SORCS3: variants seen among roughly 807,000 people sequenced by gnomAD.
SORCS3 encodes VPS10 domain-containing receptor SorCS3.
Under a neutral mutation model 146.3 loss-of-function variants are expected in SORCS3, and 57 were observed. The ratio of observed to expected loss-of-function variants is 0.39; its 90% CI spans 0.31 to 0.49. The LOEUF (loss-of-function observed/expected upper bound fraction) is 0.49. Ranked by LOEUF, SORCS3 falls within the 20% of genes least tolerant of loss-of-function variation. The pLI is 0.92. For synonymous variants in SORCS3, 653 were observed against 618.5 expected (o/e 1.06, Z -0.83); for missense variants, 1,341 against 1,575.5 (o/e 0.85, Z 2.52).
At chr10:104,816,326 A>T (rs2017797569) in intron 1 of SORCS3, among the ~76,000 whole-genome samples, 3 of 152,328 alleles carry the variant, frequency 2.0e-5, no homozygotes, top group African/African-American at 7.2e-5. Flanking sequence ...TAATCTGCTG[A>T]AAGCAAGATG....
At chr10:104,773,569 G>A (rs973323169) in intron 1 of SORCS3, among the ~76,000 whole-genome samples, 2 of 152,216 alleles carry the variant, frequency 1.3e-5, no homozygotes, top group African/African-American at 4.8e-5. Context: ...AGCTGACGCA[G>A]GGCTAAGCAT....
At chr10:105,204,200 A>G (rs1051824914) in intron 16 of SORCS3, among the ~76,000 whole-genome samples, 1 of 152,212 alleles carries the variant, frequency 6.6e-6, no homozygotes, top group East Asian at 1.9e-4. Flanking sequence ...ATGAGAAGAA[A>G]CATCTTGGAT....
rs925870615 is a variant in SORCS3 at position 104,668,171 on chromosome 10, ATG to A, written c.627+26224_627+26225del. 5.9e-5 allele frequency among the ~76,000 whole-genome samples: 9 copies of A among 152,188 alleles called. No homozygotes were observed. The East Asian group carries it at 1.7e-3, about 29-fold the overall frequency. On this transcript the variant is annotated intron_variant, in intron 1 of 26. Transcript: ENST00000369701. ...CAGCTGTGTGTGTGTGTGTGCGCGC[ATG>A]TGTGTGCACGCGCAATAGTAAACCA...
intron 14 of SORCS3, among the ~76,000 whole-genome samples, chr10:105,184,364 T>TC (rs374456102): frequency 7.2e-5 from 11 of 152,188 alleles, no homozygotes; most frequent in African/African-American, 1.4e-4. Flanking sequence ...CACTTGCTTT[T>TC]CCCCCCCAAC....
chr10:104,959,577 A>G (rs1224420660), intron 3 of SORCS3, among the ~76,000 whole-genome samples: 1 of 152,156 alleles, frequency 6.6e-6, no homozygotes, highest in African/African-American at 2.4e-5. Context: ...AGGGTATGAT[A>G]TTCTTTTATA....
intron 1 of SORCS3, among the ~76,000 whole-genome samples, chr10:104,695,954 ATT>A (rs1261859849): frequency 7.6e-5 from 11 of 144,666 alleles, no homozygotes; most frequent in African/African-American, 2.8e-4. Context: ...TAATATATAT[ATT>A]ATATACACAT....
intron 14 of SORCS3, among the ~76,000 whole-genome samples, chr10:105,186,964 T>C (rs2056481192): frequency 2.0e-5 from 3 of 151,914 alleles, no homozygotes; most frequent in African/African-American, 7.3e-5. Flanking sequence ...CTTGTTTCCA[T>C]CTCTTAGAGT....
intron 9 of SORCS3, 31 bp downstream of exon 9, chr10:105,147,827 T>A (rs773004352): frequency 6.3e-7 from 1 of 1,586,772 alleles, no homozygotes. Flanking sequence ...TTCCCTTGGG[T>A]CTGTCTCTCT....
intron 2 of SORCS3, among the ~76,000 whole-genome samples, chr10:104,853,531 G>A (rs1395501787): frequency 6.6e-6 from 1 of 152,200 alleles, no homozygotes; most frequent in African/African-American, 2.4e-5. Context: ...ATAGCAGCTG[G>A]ATGTCATGGA....
At chr10:104,936,690 C>T (rs538661234) in intron 3 of SORCS3, among the ~76,000 whole-genome samples, 2 of 152,158 alleles carry the variant, frequency 1.3e-5, no homozygotes, top group East Asian at 1.9e-4. Flanking sequence ...CAAACAAAGA[C>T]GAATTTAACA....
chr10:105,176,100 T>C (rs555059351), intron 13 of SORCS3, among the ~76,000 whole-genome samples: 3 of 152,192 alleles, frequency 2.0e-5, no homozygotes, highest in South Asian at 4.2e-4. Flanking sequence ...TGAGAAATGA[T>C]TGGATGGATT....
intron 3 of SORCS3, among the ~76,000 whole-genome samples, chr10:104,940,223 TATATATATATATA>T (rs1244050287): frequency 5.0e-4 from 8 of 16,062 alleles, no homozygotes; most frequent in Non-Finnish European, 7.4e-4. Context: ...TATATATATA[TATATATATATATA>T]TATTTTTTTT....
chr10:105,000,729 T>C (rs2055056012), intron 4 of SORCS3, among the ~76,000 whole-genome samples: 1 of 152,170 alleles, frequency 6.6e-6, no homozygotes, highest in South Asian at 2.1e-4. Context: ...TGCTGCTGCA[T>C]GCTCAGATAG....
At chr10:105,224,076 C>A (rs910392784) in intron 20 of SORCS3, among the ~76,000 whole-genome samples, 1 of 152,170 alleles carries the variant, frequency 6.6e-6, no homozygotes, top group South Asian at 2.1e-4. Context: ...GATGAACTTA[C>A]ATTAATACAT....
chr10:104,763,190 C>T (rs550506732), intron 1 of SORCS3, among the ~76,000 whole-genome samples: 289 of 152,244 alleles, frequency 1.9e-3, no homozygotes, highest in Non-Finnish European at 1.9e-3. Context: ...CAGTATTCTG[C>T]GGTTTAATAA....
At chr10:104,873,679 G>A (rs2018541860) in intron 2 of SORCS3, among the ~76,000 whole-genome samples, 1 of 152,128 alleles carries the variant, frequency 6.6e-6, no homozygotes, top group Non-Finnish European at 1.5e-5. Context: ...TTGGCATAAT[G>A]CACTTAATCC....
chr10:105,028,218 GT>G (rs2055243496), intron 4 of SORCS3, among the ~76,000 whole-genome samples: 1 of 152,170 alleles, frequency 6.6e-6, no homozygotes, highest in African/African-American at 2.4e-5. Context: ...AGTACCCTGT[GT>G]TTTCCCAGAT....
chr10:105,255,014 C>G (rs2056922147), intron 23 of SORCS3, among the ~76,000 whole-genome samples: 1 of 151,562 alleles, frequency 6.6e-6, no homozygotes, highest in African/African-American at 2.4e-5. Context: ...CGGTGAAACC[C>G]CGTCTCTACT....
intron 3 of SORCS3, among the ~76,000 whole-genome samples, chr10:104,944,570 A>G (rs773707871): frequency 1.3e-5 from 2 of 152,234 alleles, no homozygotes; most frequent in Non-Finnish European, 2.9e-5. Context: ...ATTTCACCAC[A>G]GAAGGTATCT....
Sources: gnomAD v4.1 joint callset for allele counts (sites outside exome capture counted in the v4.1 genomes callset) on GRCh38, gnomAD v4.1.1 for gene constraint, MANE v1.5 for transcripts, NCBI Gene and HGNC (gene_info 2026-07-23, HGNC 2026-07-21) for gene names.